Variants in CNTN3 observed in about 807,000 individuals in gnomAD.
CNTN3 encodes the protein contactin-3.
A neutral mutation model predicts 119.1 loss-of-function variants in CNTN3; 60 were observed. The observed-to-expected ratio is 0.50, with a 90% CI of 0.41 to 0.62. The LOEUF is 0.62. Ranked by LOEUF, CNTN3 falls within the 20% of genes least tolerant of loss-of-function variation. The probability of loss-of-function intolerance (pLI) is 0.00; values close to 1 mark genes in which losing one functional copy is unlikely to be tolerated. For missense variants in CNTN3, 1,101 were observed against 1,242.4 expected, an observed-to-expected ratio of 0.89 and a Z score of 1.71; for synonymous variants, 450 against 438.7, an observed-to-expected ratio of 1.03 and a Z score of -0.32.
At position 74,453,569 on chromosome 3, in the gene CNTN3, G is replaced by A. The variant is rs561668451; in HGVS notation, c.359-28629C>T. On this transcript the variant is annotated intron_variant, in intron 4 of 22. Transcript: ENST00000263665. ...TTGCCTTCTGCTAGCTTTTGAATGT[G>A]TTTGCTCTTGCTTTTCTAGTTCTTT... 4.4e-3 allele frequency among the ~76,000 whole-genome samples: 665 copies of A among 151,764 alleles called. 4 individuals carry two copies. The highest frequency in any genetic ancestry group is 0.015 in the African/African-American group (636 of 41,360).
intron 5 of CNTN3, among the ~76,000 whole-genome samples, chr3:74,398,354 C>G (rs1025443604): frequency 2.0e-5 from 3 of 152,226 alleles, no homozygotes; most frequent in Admixed American, 1.3e-4. Context: ...GCAAGACCCT[C>G]TACTAGCAAA....
chr3:74,610,879 C>A (rs1441073758), intron 1 of CNTN3, among the ~76,000 whole-genome samples: 1 of 152,178 alleles, frequency 6.6e-6, no homozygotes, highest in South Asian at 2.1e-4. Context: ...AATAAAAGCA[C>A]TTGAAGTATT....
At chr3:74,264,709 A>G (rs1701635261) in intron 22 of CNTN3, among the ~76,000 whole-genome samples, 1 of 152,028 alleles carries the variant, frequency 6.6e-6, no homozygotes, top group Admixed American at 6.6e-5. Flanking sequence ...CCCCTCCAAA[A>G]CTGTGAGAAT....
In CNTN3 at chr3:74,543,024, A is replaced by T. The variant is rs1026518150; in HGVS notation, c.-80-21832T>A. ...TGTAGTGTAGTCCCAGCTACTTGGGAGGCTGAGGTAGGAGAATCCCTTGAA... is the reference window on the plus strand; with the variant it reads ...TGTAGTGTAGTCCCAGCTACTTGGGTGGCTGAGGTAGGAGAATCCCTTGAA... On this transcript the variant is annotated intron_variant, in intron 1 of 22. Coordinates refer to ENST00000263665, the MANE Select transcript of CNTN3 (RefSeq NM_020872.3). 5.3e-4 allele frequency among the ~76,000 whole-genome samples: 80 copies of T among 152,180 alleles called. 2 individuals carry two copies. The highest frequency in any genetic ancestry group is 2.6e-4 in the Admixed American group (4 of 15,284).
At chr3:74,578,779 G>A (rs1704456530) in intron 1 of CNTN3, among the ~76,000 whole-genome samples, 1 of 152,014 alleles carries the variant, frequency 6.6e-6, no homozygotes, top group South Asian at 2.1e-4. Flanking sequence ...GGACTCTAGT[G>A]ATGTAATACA....
chr3:74,527,823 G>A (rs1022374318), intron 1 of CNTN3, among the ~76,000 whole-genome samples: 8 of 151,896 alleles, frequency 5.3e-5, no homozygotes, highest in Admixed American at 6.6e-5. Flanking sequence ...GTCGCTTGTA[G>A]CATGTTTCAA....
intron 1 of CNTN3, among the ~76,000 whole-genome samples, chr3:74,586,979 C>T (rs1704603677): frequency 6.6e-6 from 1 of 152,066 alleles, no homozygotes; most frequent in Non-Finnish European, 1.5e-5. Context: ...CTCCCAGCTA[C>T]TCTTATTTTA....
intron 3 of CNTN3, among the ~76,000 whole-genome samples, chr3:74,493,684 C>A (rs1362865070): frequency 6.6e-6 from 1 of 152,076 alleles, no homozygotes; most frequent in Non-Finnish European, 1.5e-5. Context: ...AGTTAATAAG[C>A]AAATGTGTCT....
intron 3 of CNTN3, among the ~76,000 whole-genome samples, chr3:74,496,972 CT>C (rs1162666718): frequency 6.6e-6 from 1 of 151,952 alleles, no homozygotes; most frequent in Non-Finnish European, 1.5e-5. Flanking sequence ...AGGATTTGGT[CT>C]TTCAAAGGAC....
chr3:74,591,738 T>C (rs1417606030), intron 1 of CNTN3, among the ~76,000 whole-genome samples: 3 of 151,240 alleles, frequency 2.0e-5, no homozygotes, highest in Admixed American at 6.6e-5. Context: ...GAGACAGAAA[T>C]AGGAAAGGGT....
chr3:74,601,804 A>T (rs941626907), intron 1 of CNTN3, among the ~76,000 whole-genome samples: 2 of 152,130 alleles, frequency 1.3e-5, no homozygotes, highest in Non-Finnish European at 2.9e-5. Flanking sequence ...TTCCAGTAGC[A>T]ATACAAGATC....
At chr3:74,396,744 C>CAA (rs1186415441) in intron 5 of CNTN3, among the ~76,000 whole-genome samples, 1 of 27,304 alleles carries the variant, frequency 3.7e-5, no homozygotes, top group Non-Finnish European at 6.8e-5. Context: ...GATTCCGCCT[C>CAA]AGAAAAAAAA....
chr3:74,470,606 G>A (rs1448780085), intron 4 of CNTN3, among the ~76,000 whole-genome samples: 7 of 152,066 alleles, frequency 4.6e-5, no homozygotes, highest in Admixed American at 6.5e-5. Flanking sequence ...AGTATGGCCC[G>A]GGCAAACATG....
chr3:74,395,712 C>T (rs1009695937), intron 5 of CNTN3, among the ~76,000 whole-genome samples: 3 of 144,034 alleles, frequency 2.1e-5, no homozygotes, highest in African/African-American at 7.5e-5. Context: ...ACATTACAGG[C>T]TTACTTTGTT....
chr3:74,385,347 T>C (rs1277012814), intron 5 of CNTN3, among the ~76,000 whole-genome samples: 2 of 152,216 alleles, frequency 1.3e-5, no homozygotes, highest in Non-Finnish European at 2.9e-5. Context: ...TATGAATATA[T>C]GAAGGGAAGT....
At chr3:74,453,981 T>A in intron 4 of CNTN3, among the ~76,000 whole-genome samples, 1 of 150,738 alleles carries the variant, frequency 6.6e-6, no homozygotes. Context: ...AAAAAATGTA[T>A]GTTCTGTTGA....
chr3:74,287,720 T>C (rs1448359650), intron 19 of CNTN3, among the ~76,000 whole-genome samples: 1 of 152,066 alleles, frequency 6.6e-6, no homozygotes, highest in Non-Finnish European at 1.5e-5. Flanking sequence ...TCTCGCTGGG[T>C]GTAGGTAATA....
At chr3:74,431,731 T>C (rs1311359493) in intron 4 of CNTN3, among the ~76,000 whole-genome samples, 1 of 152,148 alleles carries the variant, frequency 6.6e-6, no homozygotes, top group Admixed American at 6.5e-5. Flanking sequence ...ATTTTCCCTC[T>C]AAAAGAACTA....
intron 5 of CNTN3, 125 bp downstream of exon 5, chr3:74,424,720 C>A (rs1257270417): frequency 1.6e-5 from 13 of 811,004 alleles, no homozygotes; most frequent in Non-Finnish European, 2.7e-5. Flanking sequence ...ACTCAGCAGA[C>A]AAAATCTAAT....
Sources: gnomAD v4.1 joint callset for allele counts (sites outside exome capture counted in the v4.1 genomes callset) on GRCh38, gnomAD v4.1.1 for gene constraint, MANE v1.5 for transcripts, NCBI Gene and HGNC (gene_info 2026-07-23, HGNC 2026-07-21) for gene names.